The following PREP variants were observed in gnomAD, a reference collection of about 807,000 sequenced individuals.
PREP encodes the protein dJ355L5.1 (prolyl endopeptidase).
PREP carries 29 observed loss-of-function variants against 87.6 expected under a neutral mutation model. The ratio of observed to expected loss-of-function variants is 0.33; its 90% CI spans 0.25 to 0.45. PREP has a LOEUF of 0.45. PREP is among the 20% of genes least tolerant of loss of function. The probability of loss-of-function intolerance (pLI) is 1.00; values close to 1 mark genes in which losing one functional copy is unlikely to be tolerated. For synonymous variants in PREP, 337 were observed against 328.6 expected, an observed-to-expected ratio of 1.03 and a Z score of -0.28; for missense variants, 695 against 886.5, an observed-to-expected ratio of 0.78 and a Z score of 2.74.
intron 10 of PREP, among the ~76,000 whole-genome samples, chr6:105,296,955 T>C (rs1158793032): frequency 6.6e-6 from 1 of 152,248 alleles, no homozygotes; most frequent in Admixed American, 6.5e-5. Flanking sequence ...ATGTGTTTCC[T>C]GGAAGTCACC....
chr6:105,353,608 C>T (rs565039332), intron 6 of PREP, among the ~76,000 whole-genome samples: 78 of 151,880 alleles, frequency 5.1e-4, no homozygotes, highest in African/African-American at 1.8e-3. Flanking sequence ...CCTGTCTCTA[C>T]TAAAAATATA....
intron 4 of PREP, among the ~76,000 whole-genome samples, chr6:105,374,422 A>T (rs1016745302): frequency 6.6e-6 from 1 of 152,032 alleles, no homozygotes; most frequent in Non-Finnish European, 1.5e-5. Context: ...TGAAAATTTT[A>T]AGAAGCTCAA....
intron 7 of PREP, among the ~76,000 whole-genome samples, chr6:105,346,158 T>C (rs947626042): frequency 1.3e-5 from 2 of 150,288 alleles, no homozygotes; most frequent in Non-Finnish European, 2.9e-5. Flanking sequence ...TCAGAGAGGT[T>C]TGCTTTTAGC....
At chr6:105,331,770 C>A (rs1771340791) in intron 8 of PREP, among the ~76,000 whole-genome samples, 1 of 152,162 alleles carries the variant, frequency 6.6e-6, no homozygotes, top group Admixed American at 6.5e-5. Flanking sequence ...TCGTGGGTCC[C>A]TCGTCCAAAT....
chr6:105,354,930 T>C (rs548714836), intron 6 of PREP, among the ~76,000 whole-genome samples: 1 of 152,300 alleles, frequency 6.6e-6, no homozygotes, highest in Non-Finnish European at 1.5e-5. Flanking sequence ...GACATTTTTC[T>C]AGGTATTAAA....
intron 12 of PREP, 127 bp downstream of exon 12, chr6:105,285,358 GT>G: frequency 1.3e-6 from 1 of 784,598 alleles, no homozygotes; most frequent in Non-Finnish European, 2.0e-6. Context: ...TAATATCCTT[GT>G]TTTTCATTCG....
At chr6:105,364,528 T>C (rs1054247724) in intron 6 of PREP, among the ~76,000 whole-genome samples, 5 of 152,162 alleles carry the variant, frequency 3.3e-5, no homozygotes, top group Admixed American at 6.5e-5. Flanking sequence ...CAGAGAAATC[T>C]GCACACGTCC....
In PREP at chr6:105,373,427, G is replaced by T. The variant is rs758521379; in HGVS notation, c.537C>A (p.Thr179=). ...ERVKFSCMAW[T]HDGKGMFYNS... is the part of the protein sequence containing the mutation. ...TGTAGAACATTCCCTTCCCATCATG[G>T]GTCCAGGCCATACAGCTGAACTTGA... The change falls in exon 5 of 15, where the codon ACC becomes ACA. Residue 179 remains threonine, a synonymous_variant. Coordinates refer to ENST00000652536, the MANE Select transcript of PREP (RefSeq NM_002726.5). 2 of 1,613,986 alleles carry T rather than the reference G, an allele frequency of 1.2e-6. No homozygotes were observed. Among genetic ancestry groups the T allele is most frequent in the African/African-American group, 2.7e-5 (2 of 74,886 alleles).
Position 105,276,128 on chromosome 6 carries a change from T to C in PREP, c.*2016A>G, listed in dbSNP as rs1361072503. On this transcript the variant is annotated 3_prime_UTR_variant, in exon 15 of 15. Transcript: ENST00000652536. The stretch of plus-strand genomic sequence containing the variant: ...GCCCAATCTCAAGTCTTATTTCTAA[T>C]GTTTAAAGCTCCCCCTACTCCCCAA... Among the ~76,000 whole-genome samples, 2 of 152,236 alleles carry C rather than the reference T, an allele frequency of 1.3e-5. No individual in the cohort carries two copies. The highest frequency in any genetic ancestry group is 2.9e-5 in the Non-Finnish European group (2 of 68,044).
At chr6:105,287,597 C>G (rs1770214305) in intron 11 of PREP, among the ~76,000 whole-genome samples, 1 of 152,180 alleles carries the variant, frequency 6.6e-6, no homozygotes, top group Non-Finnish European at 1.5e-5. Context: ...ATATTGAGTG[C>G]TCAAAACAAA....
At chr6:105,337,464 G>A (rs1017477260) in intron 7 of PREP, among the ~76,000 whole-genome samples, 14 of 151,996 alleles carry the variant, frequency 9.2e-5, no homozygotes, top group South Asian at 2.1e-4. Context: ...TGTCTTCCCC[G>A]ACCCCTCCTA....
chr6:105,395,307 A>G (rs989204572), intron 2 of PREP, among the ~76,000 whole-genome samples: 3 of 152,172 alleles, frequency 2.0e-5, no homozygotes, highest in African/African-American at 7.2e-5. Context: ...TATTACACCC[A>G]GTCTTTTTAC....
At chr6:105,331,648 G>C (rs551218828) in intron 8 of PREP, among the ~76,000 whole-genome samples, 1 of 152,144 alleles carries the variant, frequency 6.6e-6, no homozygotes, top group African/African-American at 2.4e-5. Context: ...CTACCCTTAG[G>C]GGGACATCCC....
chr6:105,364,724 GACCTTGAACAGATTA>G (rs1562217112), intron 6 of PREP, among the ~76,000 whole-genome samples: 1 of 152,186 alleles, frequency 6.6e-6, no homozygotes, highest in Non-Finnish European at 1.5e-5. Flanking sequence ...TAAAGGAAAT[GACCTTGAACAGATTA>G]AGTGACTTGC....
At chr6:105,336,863 T>C (rs934439386) in intron 7 of PREP, among the ~76,000 whole-genome samples, 1 of 152,224 alleles carries the variant, frequency 6.6e-6, no homozygotes, top group Non-Finnish European at 1.5e-5. Context: ...GGCTGTACTC[T>C]AGGTAGTTCC....
chr6:105,284,074 CAT>C (rs1770135656), intron 12 of PREP, among the ~76,000 whole-genome samples: 2 of 152,198 alleles, frequency 1.3e-5, no homozygotes, highest in Admixed American at 6.5e-5. Context: ...TGGGATCAAA[CAT>C]ATGGTATACA....
intron 2 of PREP, among the ~76,000 whole-genome samples, chr6:105,393,531 G>A (rs559561691): frequency 2.6e-5 from 4 of 152,178 alleles, no homozygotes; most frequent in South Asian, 2.1e-4. Context: ...CAAATCTAAC[G>A]CTGATATGAA....
chr6:105,355,699 CT>C (rs1489135176), intron 6 of PREP, among the ~76,000 whole-genome samples: 6 of 152,268 alleles, frequency 3.9e-5, no homozygotes, highest in South Asian at 2.1e-4. Context: ...CCTCTCACCC[CT>C]ATTCTAGAAC....
chr6:105,309,975 T>C (rs1029914405), intron 10 of PREP, among the ~76,000 whole-genome samples: 1 of 152,154 alleles, frequency 6.6e-6, no homozygotes, highest in African/African-American at 2.4e-5. Context: ...TCCTACCTTC[T>C]CCCGGGTCCT....
Sources: allele counts gnomAD v4.1 joint callset (sites outside exome capture counted in the v4.1 genomes callset), GRCh38; gene constraint gnomAD v4.1.1; transcripts MANE v1.5; gene names NCBI Gene and HGNC (gene_info 2026-07-23, HGNC 2026-07-21).